The following NDUFA5 variants were observed in gnomAD, a reference collection of about 807,000 sequenced individuals.
The protein encoded by NDUFA5 is NADH dehydrogenase [ubiquinone] 1 alpha subcomplex subunit 5.
In NDUFA5, 11 loss-of-function variants were observed where a neutral mutation model predicts 19.8. The observed-to-expected ratio is 0.56, with a 90% CI of 0.35 to 0.92. NDUFA5 has a LOEUF of 0.92. NDUFA5 is among the 40% of genes least tolerant of loss of function. The pLI is 0.01. For synonymous variants in NDUFA5, 47 were observed against 46.8 expected, an observed-to-expected ratio of 1.00 and a Z score of -0.01; for missense variants, 109 against 134.2, an observed-to-expected ratio of 0.81 and a Z score of 0.93.
At chr7:123,597,120 T>C in the NDUFA5 span, among the ~76,000 whole-genome samples, 2 of 152,194 alleles carry the variant, frequency 1.3e-5, no homozygotes, top group African/African-American at 4.8e-5. Context: ...ATCCTAGCAA[T>C]AAACAATTCA....
intron 2 of NDUFA5, chr7:123,556,805 A>C (rs942404099): frequency 4.0e-6 from 2 of 494,018 alleles, no homozygotes; most frequent in African/African-American, 4.0e-5. Flanking sequence ...GCATGGAGAT[A>C]ATTGGTGAAC....
At chr7:123,565,874 C>A in the NDUFA5 span, among the ~76,000 whole-genome samples, 3 of 152,090 alleles carry the variant, frequency 2.0e-5, no homozygotes, top group East Asian at 3.9e-4. Context: ...AAAAAATTAG[C>A]CAGGCGTGGT....
At chr7:123,581,439 C>G in the NDUFA5 span, among the ~76,000 whole-genome samples, 4 of 145,174 alleles carry the variant, frequency 2.8e-5, no homozygotes, top group Admixed American at 2.7e-4. Flanking sequence ...AAAAGGTACT[C>G]TCCAGATACC....
chr7:123,576,726 C>A, the NDUFA5 span, among the ~76,000 whole-genome samples: 7 of 152,146 alleles, frequency 4.6e-5, no homozygotes, highest in Non-Finnish European at 7.3e-5. Flanking sequence ...TTTTACTACA[C>A]ACTTCACTGT....
chr7:123,568,433 T>C, the NDUFA5 span, among the ~76,000 whole-genome samples: 1 of 151,650 alleles, frequency 6.6e-6, no homozygotes, highest in East Asian at 1.9e-4. Flanking sequence ...GACAGGAGAA[T>C]TGCTTGAACC....
At chr7:123,576,314 C>T in the NDUFA5 span, among the ~76,000 whole-genome samples, 1 of 151,430 alleles carries the variant, frequency 6.6e-6, no homozygotes, top group Admixed American at 6.6e-5. Context: ...ACTTTTTACT[C>T]TTTTTTATAT....
At chr7:123,594,184 CT>C in the NDUFA5 span, among the ~76,000 whole-genome samples, 1 of 151,980 alleles carries the variant, frequency 6.6e-6, no homozygotes, top group Non-Finnish European at 1.5e-5. Flanking sequence ...TTCCTCTAAC[CT>C]TTTTTCAAGG....
chr7:123,565,574 C>T, the NDUFA5 span, among the ~76,000 whole-genome samples: 1 of 152,180 alleles, frequency 6.6e-6, no homozygotes, highest in African/African-American at 2.4e-5. Flanking sequence ...GTCCTAATCC[C>T]CATTACCTCA....
At chr7:123,558,581 A>C (rs1798640659), upstream of NDUFA5, among the ~76,000 whole-genome samples, 1 of 152,216 alleles carries the variant, frequency 6.6e-6, no homozygotes, top group Non-Finnish European at 1.5e-5. Context: ...GAAATAACTA[A>C]AAAGCGTGGG....
At chr7:123,580,350 G>A in the NDUFA5 span, among the ~76,000 whole-genome samples, 1 of 151,974 alleles carries the variant, frequency 6.6e-6, no homozygotes, top group Non-Finnish European at 1.5e-5. Context: ...GGTTTGAGTT[G>A]CTTGAGTCAG....
At position 123,540,669 on chromosome 7, in the gene NDUFA5, TAAC is replaced by T. The variant is rs1461411902; in HGVS notation, c.*1447_*1449del. The T allele has an allele frequency of 1.3e-5, 2 of 152,102 alleles. No individual in the cohort carries two copies. Among genetic ancestry groups the T allele is most frequent in the East Asian group, 3.8e-4 (2 of 5,196 alleles). 9.4% of individuals were successfully genotyped at this position (152,102 alleles called of 1,614,324 possible). ...ACTTGCCTCAATGTAGTCATTGAGT[TAAC>T]AACACTAGAACCATGAGAATGAGAA... is the stretch of plus-strand genomic sequence containing the variant. On this transcript the variant is annotated 3_prime_UTR_variant, in exon 5 of 5. Coordinates refer to ENST00000355749, the MANE Select transcript of NDUFA5 (RefSeq NM_005000.5).
In NDUFA5 at chr7:123,557,427, C is replaced by T; in HGVS notation, c.43G>A (p.Ala15Thr). ...ACCTCGTGAGGAGTATTGCACACAGCCAATCCCACAAGGCCAGTGGTCTGT... is the reference window on the plus strand; with the variant it reads ...ACCTCGTGAGGAGTATTGCACACAGTCAATCCCACAAGGCCAGTGGTCTGT... Reference protein sequence around the residue: ...LKKTTGLVGLAVCNTPHERLR... With the variant: ...LKKTTGLVGLTVCNTPHERLR... Residue 15 changes from alanine (A) to threonine (T), a missense_variant, in exon 2 of 5, where the codon GCT (alanine) becomes ACT (threonine). Physicochemically the swap from Ala to Thr is moderately conservative, Grantham distance 58. Coordinates refer to ENST00000355749, the MANE Select transcript of NDUFA5 (RefSeq NM_005000.5). 1 of 1,612,782 alleles carries T rather than the reference C, an allele frequency of 6.2e-7. No homozygotes were observed. The highest frequency in any genetic ancestry group is 1.3e-5 in the African/African-American group (1 of 74,976).
the NDUFA5 span, among the ~76,000 whole-genome samples, chr7:123,585,635 TTGTG>T: frequency 0.07 from 10,309 of 147,414 alleles, 373 homozygotes; most frequent in African/African-American, 0.082. Flanking sequence ...TAGTTACTAT[TTGTG>T]TGTGTGTGTG....
At chr7:123,550,671 C>CAAAA in intron 2 of NDUFA5, 85 bp from the exon 3 acceptor site, 1 of 720,930 alleles carries the variant, frequency 1.4e-6, no homozygotes, top group Non-Finnish European at 2.3e-6. Flanking sequence ...ACAAAACAAA[C>CAAAA]AAAACTCACA....
At chr7:123,550,423 T>C (rs768259260) in intron 3 of NDUFA5, 47 bp downstream of exon 3, 4 of 224,190 alleles carry the variant, frequency 1.8e-5, no homozygotes, top group Non-Finnish European at 3.0e-5. Flanking sequence ...ACTAAACTTT[T>C]TTGGTTAAAT....
chr7:123,587,217 T>C, the NDUFA5 span, among the ~76,000 whole-genome samples: 1 of 151,758 alleles, frequency 6.6e-6, no homozygotes, highest in African/African-American at 2.4e-5. Flanking sequence ...CTTCTTTCAA[T>C]GTCTTTCATC....
chr7:123,552,630 T>A (rs1584699034), intron 2 of NDUFA5, among the ~76,000 whole-genome samples: 7 of 64,910 alleles, frequency 1.1e-4, no homozygotes, highest in East Asian at 4.4e-4. Flanking sequence ...GAACTTAAAG[T>A]ATAACTAAAA....
Position 123,550,550 on chromosome 7 carries a change from GA to G in NDUFA5, c.102del (p.Glu36ArgfsTer33), listed in dbSNP as rs1348489873. The G allele has an allele frequency of 6.2e-7, 1 of 1,608,978 alleles. No homozygotes were observed. The highest frequency in any genetic ancestry group is 1.3e-5 in the African/African-American group (1 of 74,704). On this transcript the variant is annotated frameshift_variant, in exon 3 of 5. Transcript: ENST00000355749. LOFTEE classifies it high-confidence loss of function. ...GCTGCATTTTTAGGGATTTCCTCAA[GA>G]ACATCAAGAATCTTTGTGTACAATA... The part of the protein sequence containing the change: ...LRILYTKILD[V>X]LEEIPKNAAY...
At chr7:123,561,997 G>C (rs1798695497), upstream of NDUFA5, among the ~76,000 whole-genome samples, 2 of 151,938 alleles carry the variant, frequency 1.3e-5, no homozygotes, top group South Asian at 4.2e-4. Flanking sequence ...CGGTATTTAT[G>C]GTAACTATAG....
Sources: gnomAD v4.1 joint callset for allele counts (sites outside exome capture counted in the v4.1 genomes callset) on GRCh38, gnomAD v4.1.1 for gene constraint, MANE v1.5 for transcripts, NCBI Gene and HGNC (gene_info 2026-07-23, HGNC 2026-07-21) for gene names.